The following HBS1L variants were observed in gnomAD, a reference collection of about 807,000 sequenced individuals.
HBS1L encodes the protein HBS1 like translational GTPase.
HBS1L carries 55 observed loss-of-function variants against 88.9 expected under a neutral mutation model. The observed-to-expected ratio is 0.62, with a 90% CI of 0.50 to 0.77. The LOEUF (loss-of-function observed/expected upper bound fraction) is 0.77. Ranked by LOEUF, HBS1L falls within the 30% of genes least tolerant of loss-of-function variation. HBS1L has a pLI of 0.00. For missense variants in HBS1L, 741 were observed against 829.3 expected, an observed-to-expected ratio of 0.89 and a Z score of 1.31; for synonymous variants, 267 against 288.5, an observed-to-expected ratio of 0.93 and a Z score of 0.76.
At chr6:135,019,607 T>G (rs1001545053) in intron 4 of HBS1L, among the ~76,000 whole-genome samples, 1 of 151,908 alleles carries the variant, frequency 6.6e-6, no homozygotes. Context: ...GTCTTCAACT[T>G]CTTTAATACA....
intron 8 of HBS1L, among the ~76,000 whole-genome samples, chr6:134,991,696 G>A (rs1775143985): frequency 6.6e-6 from 1 of 152,062 alleles, no homozygotes; most frequent in Non-Finnish European, 1.5e-5. Flanking sequence ...TTCTAAAATA[G>A]TATCAAAAAA....
intron 4 of HBS1L, among the ~76,000 whole-genome samples, chr6:135,015,914 T>C (rs954399587): frequency 7.0e-6 from 1 of 143,380 alleles, no homozygotes; most frequent in Admixed American, 7.1e-5. Context: ...AGACGGAGTC[T>C]TGTTCTGTTG....
At chr6:135,012,221 T>C (rs368911077) in intron 4 of HBS1L, among the ~76,000 whole-genome samples, 7 of 152,226 alleles carry the variant, frequency 4.6e-5, no homozygotes, top group Admixed American at 2.0e-4. Context: ...GCTACAGATA[T>C]AGAATTAGAA....
rs149483892 is a variant in HBS1L at position 134,997,599 on chromosome 6, A to G, written c.597T>C (p.Ile199=). The change falls in exon 6 of 18, where the codon ATT becomes ATC. Residue 199 remains isoleucine (I), a synonymous_variant. Coordinates refer to ENST00000367837, the MANE Select transcript of HBS1L (RefSeq NM_006620.4). ...CATCGGAAGAAGCAATGGCATCTTCAATGGGCGGTCCTTTTTGAGGTGTGT... is the reference window on the plus strand; with the variant it reads ...CATCGGAAGAAGCAATGGCATCTTCGATGGGCGGTCCTTTTTGAGGTGTGT... The part of the protein sequence containing the change: ...SFHTPQKGPP[I]EDAIASSDVL... 5 of 1,613,598 alleles carry G rather than the reference A, an allele frequency of 3.1e-6. No homozygotes were observed. The African/African-American group carries it at 6.7e-5, about 22-fold the overall frequency.
At chr6:134,985,738 T>A (rs368960656) in intron 11 of HBS1L, among the ~76,000 whole-genome samples, 7 of 152,230 alleles carry the variant, frequency 4.6e-5, no homozygotes, top group Admixed American at 2.0e-4. Context: ...AAAAAAAATT[T>A]CAGACCCCAA....
At chr6:134,981,501 CT>C (rs1218396092) in intron 13 of HBS1L, among the ~76,000 whole-genome samples, 1 of 151,760 alleles carries the variant, frequency 6.6e-6, no homozygotes, top group African/African-American at 2.4e-5. Flanking sequence ...AAGAAATCTT[CT>C]TTTAAAGAGA....
rs566275277 is a variant in HBS1L, at chr6:135,033,073, A to G, written c.430+6500T>C. Among the ~76,000 whole-genome samples the G allele has an allele frequency of 3.2e-4, 49 of 152,324 alleles. No homozygotes were observed. The South Asian group carries it at 3.3e-3, about 10-fold the overall frequency. ...AAGGACAAAACATCCATCCATGAAC[A>G]ACATCAGATCTTTTAAGAAACCAAA... On this transcript the variant is annotated intron_variant, in intron 4 of 17. Coordinates refer to ENST00000367837, the MANE Select transcript of HBS1L (RefSeq NM_006620.4).
chr6:134,974,356 T>C (rs1457183205), intron 15 of HBS1L, among the ~76,000 whole-genome samples: 1 of 152,108 alleles, frequency 6.6e-6, no homozygotes, highest in Non-Finnish European at 1.5e-5. Context: ...CCAATCCTAC[T>C]GAAACTATTA....
rs2114783505 is a variant in HBS1L, at chr6:134,986,794, T to C, written c.1247A>G (p.Glu416Gly). 1 of 1,564,482 alleles carries C rather than the reference T, an allele frequency of 6.4e-7. No individual in the cohort carries two copies. Among genetic ancestry groups the C allele is most frequent in the East Asian group, 2.4e-5 (1 of 42,402 alleles). ...TTTTCCAGTAATCTCTTGAAACCTT[T>C]CTTGTTGCCAATTAACCTGATAAAG... ...NKMDQVNWQQ[E>G]RFQEITGKLG... Residue 416 changes from glutamate to glycine, a missense_variant, in exon 10 of 18, where the codon GAA (glutamate) becomes GGA (glycine). Glu to Gly is a moderately conservative substitution (Grantham distance 98). Coordinates refer to ENST00000367837, the MANE Select transcript of HBS1L (RefSeq NM_006620.4).
chr6:135,045,337 T>C (rs113591250), intron 2 of HBS1L, among the ~76,000 whole-genome samples: 3 of 152,226 alleles, frequency 2.0e-5, no homozygotes, highest in Admixed American at 6.5e-5. Flanking sequence ...CAGACACCTA[T>C]AATTTTTAAA....
At chr6:135,038,112 T>A in intron 4 of HBS1L, 1 of 1,059,980 alleles carries the variant, frequency 9.4e-7, no homozygotes, top group Non-Finnish European at 1.3e-6. Flanking sequence ...AAACATGAAA[T>A]GAGGCATTTA....
intron 4 of HBS1L, among the ~76,000 whole-genome samples, chr6:135,010,361 A>T (rs1775741464): frequency 6.6e-6 from 1 of 152,210 alleles, no homozygotes; most frequent in South Asian, 2.1e-4. Context: ...ATTCTCATAC[A>T]AAACTAAAAA....
chr6:135,052,380 C>T (rs1039201563), intron 1 of HBS1L, among the ~76,000 whole-genome samples: 6 of 151,972 alleles, frequency 3.9e-5, no homozygotes, highest in Non-Finnish European at 8.8e-5. Context: ...GAGGATCTCG[C>T]TTGGGCAACA....
chr6:135,032,843 T>A (rs1396747186), intron 4 of HBS1L, among the ~76,000 whole-genome samples: 1 of 151,866 alleles, frequency 6.6e-6, no homozygotes, highest in Non-Finnish European at 1.5e-5. Flanking sequence ...TTAATACATA[T>A]GAGAAGAAAA....
intron 13 of HBS1L, 47 bp from the exon 14 acceptor site, chr6:134,979,315 CA>C (rs1774749197): frequency 7.4e-7 from 1 of 1,345,942 alleles, no homozygotes; most frequent in African/African-American, 1.4e-5. Flanking sequence ...ACCTCGATAT[CA>C]AACCATAACA....
At chr6:134,972,670 G>A (rs752354276) in intron 15 of HBS1L, among the ~76,000 whole-genome samples, 1 of 152,092 alleles carries the variant, frequency 6.6e-6, no homozygotes. Flanking sequence ...TAGAGAATAG[G>A]AGAAAATATC....
rs1554231644 is a variant in HBS1L, at chr6:135,039,602, G to T, written c.401C>A (p.Ala134Glu). The change falls in exon 4 of 18, where the codon GCA becomes GAA. Residue 134 changes from alanine to glutamate, a missense_variant. Transcript: ENST00000367837. The stretch of plus-strand genomic sequence containing the variant: ...TGCTATCTTTCCTGTAGATACTGTT[G>T]CCTCATTCTTGTCCTTCAAACTCTG... ...RVQSLKDKNEATVSTGKIAKG... is the reference protein window; with the variant it reads ...RVQSLKDKNEETVSTGKIAKG... The T allele has an allele frequency of 1.2e-6, 2 of 1,614,060 alleles. No individual in the cohort carries two copies. The highest frequency in any genetic ancestry group is 1.3e-5 in the African/African-American group (1 of 75,044).
At chr6:135,036,458 T>G in intron 4 of HBS1L, 1 of 1,370,312 alleles carries the variant, frequency 7.3e-7, no homozygotes, top group Non-Finnish European at 9.4e-7. Flanking sequence ...ACAATTTTCA[T>G]AAAAATCAGA....
chr6:135,046,276 T>C (rs1029868461), intron 2 of HBS1L, among the ~76,000 whole-genome samples: 3 of 152,002 alleles, frequency 2.0e-5, no homozygotes, highest in Admixed American at 1.3e-4. Context: ...AGTACTGTTG[T>C]AGCAAGTTAT....
Sources: allele counts gnomAD v4.1 joint callset (sites outside exome capture counted in the v4.1 genomes callset), GRCh38; gene constraint gnomAD v4.1.1; transcripts MANE v1.5; gene names NCBI Gene and HGNC (gene_info 2026-07-23, HGNC 2026-07-21).